The following AXDND1 variants were observed in gnomAD, a reference collection of about 807,000 sequenced individuals.
AXDND1 encodes the protein axonemal dynein light chain domain-containing protein 1.
Under a neutral mutation model 137.5 loss-of-function variants are expected in AXDND1, and 110 were observed. That is an observed-to-expected ratio of 0.80 (90% CI 0.69 to 0.94). AXDND1 has a LOEUF of 0.94. Ranked by LOEUF, AXDND1 falls within the 40% of genes least tolerant of loss-of-function variation. AXDND1 has a pLI of 0.00. For synonymous variants in AXDND1, 414 were observed against 399.7 expected (o/e 1.04, Z -0.43); for missense variants, 1,191 against 1,169.8 (o/e 1.02, Z -0.26).
At chr1:179,542,845 C>T (rs1204928479) in intron 25 of AXDND1, among the ~76,000 whole-genome samples, 1 of 152,206 alleles carries the variant, frequency 6.6e-6, no homozygotes, top group Non-Finnish European at 1.5e-5. Context: ...ACCCTTCCCC[C>T]TCCTTCCAAA....
rs1648716298 is a variant in AXDND1 at position 179,383,482 on chromosome 1, G to A, written c.679G>A (p.Val227Met). Residue 227 changes from valine to methionine, a missense_variant, in exon 8 of 26, where the codon GTG (valine) becomes ATG (methionine). Val to Met is a conservative substitution (Grantham distance 21). Transcript: ENST00000367618. Reference protein sequence around the residue: ...KRVEVAQLNDVMDTMLERAGV... With the variant: ...KRVEVAQLNDMMDTMLERAGV... ...AGTAGAAGTGGCCCAGCTGAATGAT[G>A]TGATGGATACTATGCTAGAGAGGGC... 2 of 1,613,964 alleles carry A rather than the reference G, an allele frequency of 1.2e-6. No individual in the cohort carries two copies. Among genetic ancestry groups the A allele is most frequent in the South Asian group, 1.1e-5 (1 of 91,076 alleles).
intron 4 of AXDND1, among the ~76,000 whole-genome samples, chr1:179,374,574 C>G (rs1007913464): frequency 6.6e-6 from 1 of 152,058 alleles, no homozygotes; most frequent in Non-Finnish European, 1.5e-5. Flanking sequence ...TGGAACCAAC[C>G]CAAATGTCCA....
intron 21 of AXDND1, among the ~76,000 whole-genome samples, chr1:179,520,719 C>G (rs995740409): frequency 5.9e-5 from 9 of 151,666 alleles, no homozygotes; most frequent in African/African-American, 2.2e-4. Context: ...TATAGGATGT[C>G]TACTTTTATG....
intron 15 of AXDND1, among the ~76,000 whole-genome samples, chr1:179,442,770 C>A (rs1302819181): frequency 6.6e-6 from 1 of 152,164 alleles, no homozygotes; most frequent in Non-Finnish European, 1.5e-5. Flanking sequence ...TTCCAGCAGA[C>A]CTTCTTTGTT....
chr1:179,404,224 C>CTTTTTTT (rs71111990), intron 11 of AXDND1, among the ~76,000 whole-genome samples: 2 of 136,680 alleles, frequency 1.5e-5, no homozygotes, highest in Admixed American at 7.4e-5. Flanking sequence ...TTTTCTTTGT[C>CTTTTTTT]TTTTTTTTTT....
At chr1:179,383,733 G>T (rs1342091327) in intron 8 of AXDND1, among the ~76,000 whole-genome samples, 189 bp downstream of exon 8, 2 of 152,202 alleles carry the variant, frequency 1.3e-5, no homozygotes, top group African/African-American at 4.8e-5. Context: ...TAGGGTTTTT[G>T]TGGAGATGAA....
intron 20 of AXDND1, among the ~76,000 whole-genome samples, chr1:179,501,102 G>A (rs898373162): frequency 1.3e-5 from 2 of 152,062 alleles, no homozygotes; most frequent in Admixed American, 6.6e-5. Context: ...ATTATGGAAA[G>A]TTCTATTAAA....
At chr1:179,483,642 A>G (rs894659392) in intron 18 of AXDND1, among the ~76,000 whole-genome samples, 2 of 152,230 alleles carry the variant, frequency 1.3e-5, no homozygotes, top group African/African-American at 4.8e-5. Flanking sequence ...TTCTTTGGCA[A>G]AAATGCTTGA....
chr1:179,509,427 G>A lies in AXDND1; in HGVS notation c.2496+24G>A, dbSNP rs758523225. ...AGGTATTTGCCACATGTTAGCGTTG[G>A]TCATTATTCAGATTATTCCTGTATT... On this transcript the variant is annotated intron_variant, in intron 21 of 25. Transcript: ENST00000367618. 19 of 1,424,078 alleles carry A rather than the reference G, an allele frequency of 1.3e-5. No individual in the cohort carries two copies. In the Admixed American group the frequency reaches 3.1e-4, roughly 23 times the overall value. 88.2% of individuals were successfully genotyped at this position (1,424,078 alleles called of 1,614,324 possible). A position where few individuals can be genotyped will look rare whatever the true frequency, so the allele number is the denominator to read the frequency against.
intron 16 of AXDND1, among the ~76,000 whole-genome samples, chr1:179,446,603 C>T (rs1659764237): frequency 6.6e-6 from 1 of 152,114 alleles, no homozygotes; most frequent in South Asian, 2.1e-4. Flanking sequence ...TAAAAAATGT[C>T]CTTTATTGGG....
intron 17 of AXDND1, among the ~76,000 whole-genome samples, chr1:179,481,867 A>G (rs1430251454): frequency 6.6e-6 from 1 of 152,164 alleles, no homozygotes; most frequent in Non-Finnish European, 1.5e-5. Flanking sequence ...ATAATTCCTG[A>G]GATCAGTGTT....
At chr1:179,471,495 T>G (rs1464885986) in intron 17 of AXDND1, among the ~76,000 whole-genome samples, 1 of 152,240 alleles carries the variant, frequency 6.6e-6, no homozygotes, top group Non-Finnish European at 1.5e-5. Context: ...TTGGCAAAAT[T>G]GTTCATTGTA....
chr1:179,427,111 C>T (rs1387673820), intron 12 of AXDND1, among the ~76,000 whole-genome samples: 1 of 152,082 alleles, frequency 6.6e-6, no homozygotes, highest in Non-Finnish European at 1.5e-5. Context: ...TTGCAGTAAG[C>T]CGAAATCATG....
chr1:179,426,149 G>C (rs1314126093), intron 12 of AXDND1, among the ~76,000 whole-genome samples: 1 of 152,026 alleles, frequency 6.6e-6, no homozygotes, highest in East Asian at 1.9e-4. Context: ...CTCTTTCTAA[G>C]TATGACGGGA....
rs151090012 is a variant in AXDND1 at position 179,400,904 on chromosome 1, C to CA, written c.1109+5725dup. Among the ~76,000 whole-genome samples, 192 of 53,656 alleles carry CA rather than the reference C, an allele frequency of 3.6e-3. 1 individual carries two copies. Among genetic ancestry groups the CA allele is most frequent in the African/African-American group, 6.3e-3 (78 of 12,284 alleles). The allele number at this position is 53,656 out of a possible 152,430, so 35.2% of individuals were successfully genotyped here. On this transcript the variant is annotated intron_variant, in intron 11 of 25. Coordinates refer to ENST00000367618, the MANE Select transcript of AXDND1 (RefSeq NM_144696.6). Reference sequence around the variant, plus strand: ...TGGGCAACAGAGCGAGACTCTGTCTCAAAAAAAAAAAAAAAAAAAAAAAGA... The same window carrying CA: ...TGGGCAACAGAGCGAGACTCTGTCTCAAAAAAAAAAAAAAAAAAAAAAAAGA...
chr1:179,384,766 A>G (rs1648931268), intron 8 of AXDND1, among the ~76,000 whole-genome samples: 1 of 150,944 alleles, frequency 6.6e-6, no homozygotes, highest in South Asian at 2.1e-4. Flanking sequence ...AAGAGGCACC[A>G]ATTTTTTTTT....
intron 20 of AXDND1, among the ~76,000 whole-genome samples, chr1:179,508,982 G>GC (rs1373096649): frequency 6.6e-6 from 1 of 152,092 alleles, no homozygotes; most frequent in Non-Finnish European, 1.5e-5. Context: ...CAGTTGACCT[G>GC]GTCAGTTGCA....
At chr1:179,381,292 T>A (rs1056834915) in intron 6 of AXDND1, among the ~76,000 whole-genome samples, 4 of 151,852 alleles carry the variant, frequency 2.6e-5, no homozygotes, top group Non-Finnish European at 4.4e-5. Flanking sequence ...TCTGCCCGCT[T>A]TGGCCTCTCA....
At chr1:179,430,672 T>C in intron 14 of AXDND1, 66 bp downstream of exon 14, 2 of 1,501,030 alleles carry the variant, frequency 1.3e-6, no homozygotes, top group Non-Finnish European at 1.8e-6. Flanking sequence ...AAATTCTCTG[T>C]GTTCCTCCTT....
Sources: gnomAD v4.1 joint callset for allele counts (sites outside exome capture counted in the v4.1 genomes callset) on GRCh38, gnomAD v4.1.1 for gene constraint, MANE v1.5 for transcripts, NCBI Gene and HGNC (gene_info 2026-07-23, HGNC 2026-07-21) for gene names.